Variants in FAM83D observed in about 807,000 individuals in gnomAD.
The protein encoded by FAM83D is scaffolding CK1 anchoring protein D, also known as protein FAM83D.
A neutral mutation model predicts 25.4 loss-of-function variants in FAM83D; 26 were observed. That is an observed-to-expected ratio of 1.02 (90% CI 0.75 to 1.42). The LOEUF (loss-of-function observed/expected upper bound fraction) is 1.42, where lower values mean the gene tolerates loss of function less well. Ranked by LOEUF, FAM83D falls within the 40% of genes most tolerant of loss-of-function variation. The probability of loss-of-function intolerance (pLI) is 0.00; values close to 1 mark genes in which losing one functional copy is unlikely to be tolerated. For synonymous variants in FAM83D, 310 were observed against 318.5 expected (o/e 0.97, Z 0.28); for missense variants, 740 against 758.1 (o/e 0.98, Z 0.28).
At chr20:38,936,044 C>G (rs895502824) in intron 1 of FAM83D, among the ~76,000 whole-genome samples, 6 of 152,128 alleles carry the variant, frequency 3.9e-5, no homozygotes, top group Non-Finnish European at 5.9e-5. Context: ...ATGCAGCAGC[C>G]AGGATGTTAT....
At chr20:38,947,780 G>A (rs2085734363) in intron 2 of FAM83D, 96 bp from the exon 3 acceptor site, 1 of 1,435,108 alleles carries the variant, frequency 7.0e-7, no homozygotes. Context: ...ATTATATCTG[G>A]GAATTGTAAA....
intron 1 of FAM83D, among the ~76,000 whole-genome samples, chr20:38,934,662 T>C (rs555893186): frequency 6.6e-6 from 1 of 152,356 alleles, no homozygotes; most frequent in Admixed American, 6.5e-5. Context: ...CAATAGGCCA[T>C]GCGTTGCAAC....
chr20:38,930,021 G>A (rs534751963), intron 1 of FAM83D, among the ~76,000 whole-genome samples: 15 of 152,328 alleles, frequency 9.8e-5, no homozygotes, highest in East Asian at 3.9e-4. Context: ...GGGTTCAGGA[G>A]CCTGTGCTCA....
chr20:38,926,454 G>C lies in FAM83D; in HGVS notation c.12G>C (p.Leu4=), dbSNP rs757868001. 1.9e-6 allele frequency: 3 copies of C among 1,598,872 alleles called. No individual in the cohort carries two copies. Among genetic ancestry groups the C allele is most frequent in the Admixed American group, 3.3e-5 (2 of 59,894 alleles). Residue 4 remains leucine (L), a synonymous_variant, in exon 1 of 4, where the codon CTG becomes CTC. Coordinates refer to ENST00000619850, the MANE Select transcript of FAM83D (RefSeq NM_030919.3). MAL[L]SEGLDEVPAA... ...GTCCGAGCGCCGCCATGGCTCTGCTGTCCGAGGGCCTGGACGAGGTGCCCG... is the reference window on the plus strand; with the variant it reads ...GTCCGAGCGCCGCCATGGCTCTGCTCTCCGAGGGCCTGGACGAGGTGCCCG...
At position 38,926,892 on chromosome 20, in the gene FAM83D, C is replaced by T. The variant is rs1408759659; in HGVS notation, c.450C>T (p.Asp150=). ...AAGGTGGCCCCTACGGCTGCAAGGA[C>T]GCTCTGCGCCAGCAGCTCCGCTCGG... ...AGEGGPYGCK[D]ALRQQLRSAR... The change falls in exon 1 of 4, where the codon GAC becomes GAT. Residue 150 remains aspartate, a synonymous_variant. Coordinates refer to ENST00000619850, the MANE Select transcript of FAM83D (RefSeq NM_030919.3). 1 of 1,486,500 alleles carries T rather than the reference C, an allele frequency of 6.7e-7. No homozygotes were observed. The highest frequency in any genetic ancestry group is 8.9e-7 in the Non-Finnish European group (1 of 1,121,976). 92.1% of individuals were successfully genotyped at this position (1,486,500 alleles called of 1,614,324 possible). A position where few individuals can be genotyped will look rare whatever the true frequency, so the allele number is the denominator to read the frequency against.
intron 2 of FAM83D, 30 bp downstream of exon 2, chr20:38,942,156 A>C (rs1485812876): frequency 6.2e-7 from 1 of 1,610,972 alleles, no homozygotes; most frequent in Non-Finnish European, 8.5e-7. Flanking sequence ...CAGTTTCACC[A>C]TAGTCAACAA....
rs1383433935 is a variant in FAM83D at position 38,951,713 on chromosome 20, A to G, written c.951A>G (p.Arg317=). The G allele has an allele frequency of 7.4e-6, 12 of 1,614,054 alleles. No homozygotes were observed. The highest frequency in any genetic ancestry group is 1.0e-5 in the Non-Finnish European group (12 of 1,180,032). ...SSNKFDHLTN[R]KPQSKELTLG... Reference sequence around the variant, plus strand: ...ACAAGTTTGATCACCTCACCAACCGAAAACCACAGTCCAAGGAGCTCACCC... The same window carrying G: ...ACAAGTTTGATCACCTCACCAACCGGAAACCACAGTCCAAGGAGCTCACCC... The change falls in exon 4 of 4, where the codon CGA becomes CGG. Residue 317 remains arginine, a synonymous_variant. Coordinates refer to ENST00000619850, the MANE Select transcript of FAM83D (RefSeq NM_030919.3).
intron 2 of FAM83D, 66 bp downstream of exon 2, chr20:38,942,192 A>C: frequency 2.6e-6 from 4 of 1,555,828 alleles, no homozygotes; most frequent in Non-Finnish European, 3.5e-6. Flanking sequence ...CATTATCTAC[A>C]AGCTGGCTGG....
At chr20:38,948,117 T>C (rs1330777949) in intron 3 of FAM83D, 117 bp downstream of exon 3, 3 of 1,245,926 alleles carry the variant, frequency 2.4e-6, no homozygotes, top group Admixed American at 2.6e-5. Context: ...CATTCTGATA[T>C]GCGTGCATCT....
At chr20:38,933,292 T>A (rs2085665508) in intron 1 of FAM83D, among the ~76,000 whole-genome samples, 1 of 152,242 alleles carries the variant, frequency 6.6e-6, no homozygotes, top group African/African-American at 2.4e-5. Context: ...TACTGATGAA[T>A]GGGCACAGAG....
chr20:38,932,486 C>T (rs879707639), intron 1 of FAM83D, among the ~76,000 whole-genome samples: 3 of 152,246 alleles, frequency 2.0e-5, no homozygotes, highest in Non-Finnish European at 4.4e-5. Context: ...GGAGGAAATA[C>T]TGTTTTGAAC....
At chr20:38,930,523 C>T (rs1308506725) in intron 1 of FAM83D, among the ~76,000 whole-genome samples, 1 of 152,122 alleles carries the variant, frequency 6.6e-6, no homozygotes, top group Non-Finnish European at 1.5e-5. Context: ...CTCTGTCACC[C>T]ACGCTGGAGT....
chr20:38,952,793 C>A lies in FAM83D; in HGVS notation c.*273C>A. 2.2e-6 allele frequency: 1 copy of A among 458,310 alleles called. No homozygotes were observed. Among genetic ancestry groups the A allele is most frequent in the Non-Finnish European group, 3.9e-6 (1 of 257,846 alleles). 28.4% of individuals were successfully genotyped at this position (458,310 alleles called of 1,614,324 possible). ...ATGCACTACATAATGATGTTTTGGT[C>A]AATGACAGACCACGTATATGTTGGC... On this transcript the variant is annotated 3_prime_UTR_variant, in exon 4 of 4. Transcript: ENST00000619850.
intron 1 of FAM83D, 110 bp from the exon 2 acceptor site, chr20:38,941,849 G>C (rs1283168973): frequency 4.6e-6 from 5 of 1,076,490 alleles, no homozygotes; most frequent in Non-Finnish European, 7.0e-6. Context: ...AAGGATAACT[G>C]TTGGATAGGG....
intron 1 of FAM83D, among the ~76,000 whole-genome samples, chr20:38,928,151 C>T (rs1282254917): frequency 6.6e-6 from 1 of 152,168 alleles, no homozygotes; most frequent in Non-Finnish European, 1.5e-5. Context: ...CTGGCAGTGC[C>T]CAGCTCCCTG....
rs1418736816 is a variant in FAM83D, at chr20:38,952,930, G to A, written c.*410G>A. The A allele has an allele frequency of 5.9e-6, 1 of 168,518 alleles. No individual in the cohort carries two copies. The highest frequency in any genetic ancestry group is 1.7e-4 in the East Asian group (1 of 5,916). The allele number at this position is 168,518 out of a possible 1,614,324, so 10.4% of individuals were successfully genotyped here. A position where few individuals can be genotyped will look rare whatever the true frequency, so the allele number is the denominator to read the frequency against. On this transcript the variant is annotated 3_prime_UTR_variant, in exon 4 of 4. Transcript: ENST00000619850. ...ATTCAGTGCAGTAACATGATGTACA[G>A]GTTTGTAGCCTGTTTTGCATTTTTC...
At chr20:38,929,287 G>A (rs1257555945) in intron 1 of FAM83D, among the ~76,000 whole-genome samples, 1 of 152,218 alleles carries the variant, frequency 6.6e-6, no homozygotes, top group East Asian at 1.9e-4. Flanking sequence ...CATGGCTGGG[G>A]CCACAGGGGA....
intron 2 of FAM83D, among the ~76,000 whole-genome samples, chr20:38,946,356 A>G (rs1305312115): frequency 6.6e-6 from 1 of 152,098 alleles, no homozygotes; most frequent in African/African-American, 2.4e-5. Flanking sequence ...TATTTTGAAT[A>G]TTGATAGATT....
In FAM83D at chr20:38,952,185, T is replaced by C. The variant is rs1468544337; in HGVS notation, c.1423T>C (p.Leu475=). ...AATGTCTGTATCGAGATCTTCCAGTTTGAAGTCTTCCTCCTCTGTGTCTTC... is the reference window on the plus strand; with the variant it reads ...AATGTCTGTATCGAGATCTTCCAGTCTGAAGTCTTCCTCCTCTGTGTCTTC... ...SKMSVSRSSS[L]KSSSSVSSQG... is the part of the protein sequence containing the mutation. The change falls in exon 4 of 4, where the codon TTG becomes CTG. Residue 475 remains leucine, a synonymous_variant. Transcript: ENST00000619850. 1.9e-6 allele frequency: 3 copies of C among 1,614,196 alleles called. No individual in the cohort carries two copies. The highest frequency in any genetic ancestry group is 2.5e-6 in the Non-Finnish European group (3 of 1,180,036).
Sources: allele counts gnomAD v4.1 joint callset (sites outside exome capture counted in the v4.1 genomes callset), GRCh38; gene constraint gnomAD v4.1.1; transcripts MANE v1.5; gene names NCBI Gene and HGNC (gene_info 2026-07-23, HGNC 2026-07-21).